The following COLEC11 variants were observed in gnomAD, a reference collection of about 807,000 sequenced individuals.
The protein encoded by COLEC11 is collectin subfamily member 11, also known as collectin-11.
Under a neutral mutation model 27.3 loss-of-function variants are expected in COLEC11, and 20 were observed. The observed-to-expected ratio is 0.73, with a 90% CI of 0.51 to 1.06. The LOEUF (loss-of-function observed/expected upper bound fraction) is 1.06, where lower values mean the gene tolerates loss of function less well. Ranked by LOEUF, COLEC11 falls within the 50% of genes least tolerant of loss-of-function variation. The pLI is 0.00. For synonymous variants in COLEC11, 163 were observed against 154.7 expected, an observed-to-expected ratio of 1.05 and a Z score of -0.40; for missense variants, 310 against 383.0, an observed-to-expected ratio of 0.81 and a Z score of 1.59.
intron 4 of COLEC11, among the ~76,000 whole-genome samples, chr2:3,638,669 G>A (rs1665621127): frequency 6.6e-6 from 1 of 152,184 alleles, no homozygotes; most frequent in Admixed American, 6.5e-5. Flanking sequence ...GCGATGGGGA[G>A]GGGCCTAGCT....
chr2:3,628,589 AG>A (rs1232693712), intron 3 of COLEC11, among the ~76,000 whole-genome samples: 2 of 152,136 alleles, frequency 1.3e-5, no homozygotes, highest in Admixed American at 1.3e-4. Flanking sequence ...TGGGGCTTTG[AG>A]GGAGTGTCCT....
intron 1 of COLEC11, among the ~76,000 whole-genome samples, chr2:3,599,676 C>T (rs1662083218): frequency 6.6e-6 from 1 of 152,230 alleles, no homozygotes. Flanking sequence ...AGCTGTCCCT[C>T]ACCCACTGCC....
intron 3 of COLEC11, among the ~76,000 whole-genome samples, chr2:3,627,720 T>A (rs541077597): frequency 1.3e-5 from 2 of 150,710 alleles, no homozygotes; most frequent in African/African-American, 4.9e-5. Context: ...GGTATGACGA[T>A]GCTGGGCATG....
intron 1 of COLEC11, among the ~76,000 whole-genome samples, chr2:3,601,233 G>C (rs1482431298): frequency 4.6e-5 from 7 of 152,338 alleles, no homozygotes; most frequent in African/African-American, 1.7e-4. Flanking sequence ...GGACCATGTA[G>C]ACCATCATAG....
chr2:3,613,346 G>T lies in COLEC11; in HGVS notation c.166G>T (p.Gly56Ter), dbSNP rs755020332. ...AGEKGDKGAP[G>*]RPGRVGPTGE... ...AGAGAAGGGAGACAAAGGCGCCCCC[G>T]GACGGCCTGGAAGAGTCGGCCCCAC... The change falls in exon 3 of 7, where the codon GGA becomes TGA. Residue 56 changes from glycine to a stop codon, truncating the protein, a stop_gained. Coordinates refer to ENST00000349077, the MANE Select transcript of COLEC11 (RefSeq NM_024027.5). LOFTEE classifies it high-confidence loss of function. 3.7e-6 allele frequency: 6 copies of T among 1,609,368 alleles called. No homozygotes were observed. Among genetic ancestry groups the T allele is most frequent in the Non-Finnish European group, 5.1e-6 (6 of 1,178,038 alleles).
At chr2:3,617,754 A>T in intron 3 of COLEC11, 4 of 1,128,378 alleles carry the variant, frequency 3.5e-6, no homozygotes, top group African/African-American at 1.6e-5. Context: ...GCCACCACTG[A>T]GTTGTCGCTT....
At chr2:3,641,031 GTAGACCCCACGGTGGACACCCAC>G in intron 5 of COLEC11, among the ~76,000 whole-genome samples, 1 of 70,932 alleles carries the variant, frequency 1.4e-5, no homozygotes, top group East Asian at 4.6e-4. Flanking sequence ...CACCCACCAT[GTAGACCCCACGGTGGACACCCAC>G]CCACCATGTA....
At chr2:3,606,382 A>G (rs1662700558) in intron 2 of COLEC11, 1 of 747,830 alleles carries the variant, frequency 1.3e-6, no homozygotes, top group Non-Finnish European at 2.2e-6. Flanking sequence ...CATTTCCCAC[A>G]TGGGTAGGGT....
At chr2:3,615,757 G>T (rs549430372) in intron 3 of COLEC11, among the ~76,000 whole-genome samples, 1 of 151,388 alleles carries the variant, frequency 6.6e-6, no homozygotes, top group Non-Finnish European at 1.5e-5. Flanking sequence ...GGCGGTGGCC[G>T]GGCAGAGGCT....
chr2:3,607,605 C>T (rs116110858), intron 2 of COLEC11, among the ~76,000 whole-genome samples: 310 of 151,696 alleles, frequency 2.0e-3, no homozygotes, highest in African/African-American at 7.0e-3. Flanking sequence ...GCACCATCAA[C>T]GCCCGGCTAA....
intron 3 of COLEC11, among the ~76,000 whole-genome samples, chr2:3,633,049 G>T (rs796457562): frequency 4.4e-4 from 67 of 152,332 alleles, no homozygotes; most frequent in African/African-American, 1.5e-3. Flanking sequence ...TTCTCCCTGA[G>T]ACCCCTGAGA....
intron 3 of COLEC11, among the ~76,000 whole-genome samples, chr2:3,625,132 C>A (rs1465433183): frequency 6.6e-6 from 1 of 152,206 alleles, no homozygotes; most frequent in Non-Finnish European, 1.5e-5. Flanking sequence ...TCCAAGGCGG[C>A]AAGGATTCTC....
At chr2:3,597,519 C>T (rs930696250) in intron 1 of COLEC11, among the ~76,000 whole-genome samples, 5 of 152,224 alleles carry the variant, frequency 3.3e-5, no homozygotes, top group African/African-American at 9.6e-5. Context: ...CACCCCTTTT[C>T]TTGGGAGACG....
intron 3 of COLEC11, among the ~76,000 whole-genome samples, chr2:3,636,137 T>C (rs1572466386): frequency 6.6e-6 from 1 of 152,050 alleles, no homozygotes; most frequent in Non-Finnish European, 1.5e-5. Flanking sequence ...CAGGACAGAG[T>C]GTTATCTGCG....
intron 2 of COLEC11, among the ~76,000 whole-genome samples, chr2:3,604,694 A>T (rs1251720111): frequency 6.6e-6 from 1 of 152,202 alleles, no homozygotes; most frequent in Non-Finnish European, 1.5e-5. Context: ...ATTTATTTGC[A>T]ACTCAGCCCT....
At chr2:3,641,321 G>A (rs1488512176) in intron 5 of COLEC11, 3 of 1,303,332 alleles carry the variant, frequency 2.3e-6, no homozygotes, top group South Asian at 1.2e-5. Context: ...GTGTGAGTGC[G>A]CTGAGATCAG....
chr2:3,605,939 G>T, intron 2 of COLEC11: 1 of 918,672 alleles, frequency 1.1e-6, no homozygotes, highest in South Asian at 1.7e-5. Flanking sequence ...CTGTCCTGCA[G>T]CCCAGACAAG....
In COLEC11 at chr2:3,643,813, C is replaced by T; in HGVS notation, c.511C>T (p.Gln171Ter). ...KRYADAQLSC[Q>*]GRGGTLSMPK... is the part of the protein sequence containing the mutation. ...CTACGCGGACGCCCAGCTGTCCTGC[C>T]AGGGCCGCGGGGGCACGCTGAGCAT... Residue 171 changes from glutamine to a stop codon, truncating the protein, a stop_gained, in exon 7 of 7, where the codon CAG becomes TAG. Transcript: ENST00000349077. LOFTEE classifies it high-confidence loss of function. 1 of 1,613,558 alleles carries T rather than the reference C, an allele frequency of 6.2e-7. No homozygotes were observed. The highest frequency in any genetic ancestry group is 8.5e-7 in the Non-Finnish European group (1 of 1,179,958).
intron 3 of COLEC11, among the ~76,000 whole-genome samples, chr2:3,634,596 C>T (rs963253461): frequency 1.3e-5 from 2 of 152,218 alleles, no homozygotes; most frequent in African/African-American, 4.8e-5. Context: ...GCCCTTCTCT[C>T]TCCCTGCTGT....
Sources: allele counts gnomAD v4.1 joint callset (sites outside exome capture counted in the v4.1 genomes callset), GRCh38; gene constraint gnomAD v4.1.1; transcripts MANE v1.5; gene names NCBI Gene and HGNC (gene_info 2026-07-23, HGNC 2026-07-21).